NOL10: variants seen among roughly 807,000 people sequenced by gnomAD.
NOL10 encodes the protein H_NH0074G24.1.
NOL10 carries 58 observed loss-of-function variants against 103.5 expected under a neutral mutation model. The ratio of observed to expected loss-of-function variants is 0.56; its 90% CI spans 0.45 to 0.70. The LOEUF is 0.70. NOL10 is among the 30% of genes least tolerant of loss of function. The probability of loss-of-function intolerance (pLI) is 0.00; values close to 1 mark genes in which losing one functional copy is unlikely to be tolerated. For synonymous variants in NOL10, 287 were observed against 282.5 expected (o/e 1.02, Z -0.16); for missense variants, 763 against 807.3 (o/e 0.95, Z 0.67).
chr2:10,626,167 T>A (rs1202855196), intron 13 of NOL10, among the ~76,000 whole-genome samples: 1 of 151,932 alleles, frequency 6.6e-6, no homozygotes, highest in Non-Finnish European at 1.5e-5. Flanking sequence ...GGAGACAGAG[T>A]GAGACCCTGT....
At chr2:10,583,992 C>T (rs140735366) in intron 19 of NOL10, among the ~76,000 whole-genome samples, 21 of 152,274 alleles carry the variant, frequency 1.4e-4, no homozygotes, top group African/African-American at 4.1e-4. Context: ...GCTGTAAGAT[C>T]GTGGCTTTCC....
At chr2:10,648,657 C>T (rs1679250076) in intron 12 of NOL10, among the ~76,000 whole-genome samples, 1 of 152,110 alleles carries the variant, frequency 6.6e-6, no homozygotes, top group Admixed American at 6.6e-5. Flanking sequence ...ACCTCAGCAG[C>T]CTGCACATTA....
At chr2:10,647,452 G>A (rs989902037) in intron 12 of NOL10, among the ~76,000 whole-genome samples, 2 of 152,224 alleles carry the variant, frequency 1.3e-5, no homozygotes, top group Admixed American at 1.3e-4. Flanking sequence ...AACCAAATGT[G>A]TGATCATTTT....
At chr2:10,684,263 T>TG (rs1681992068) in intron 2 of NOL10, among the ~76,000 whole-genome samples, 1 of 125,168 alleles carries the variant, frequency 8.0e-6, no homozygotes, top group South Asian at 2.7e-4. Flanking sequence ...GCAATAAGAG[T>TG]GAAACTCCAT....
At chr2:10,657,999 C>T in intron 10 of NOL10, 108 bp from the exon 11 acceptor site, 1 of 716,264 alleles carries the variant, frequency 1.4e-6, no homozygotes, top group Non-Finnish European at 2.2e-6. Context: ...TTGTTATGAA[C>T]ACAATGAACA....
At chr2:10,574,609 T>C (rs1674357037) in intron 20 of NOL10, among the ~76,000 whole-genome samples, 1 of 142,894 alleles carries the variant, frequency 7.0e-6, no homozygotes, top group Non-Finnish European at 1.5e-5. Flanking sequence ...ATGGTGCCAC[T>C]GCACTCCAGC....
chr2:10,660,355 T>C (rs1680116536), intron 9 of NOL10, among the ~76,000 whole-genome samples: 1 of 152,212 alleles, frequency 6.6e-6, no homozygotes, highest in South Asian at 2.1e-4. Flanking sequence ...TTCACTCCCG[T>C]CGCCCAGGCT....
At chr2:10,606,197 C>A (rs10168852) in intron 14 of NOL10, among the ~76,000 whole-genome samples, 46,090 of 150,574 alleles carry the variant, frequency 0.31, 7,719 homozygotes, top group Non-Finnish European at 0.38. Flanking sequence ...AGTTTACTAC[C>A]ACTGAAACTT....
Position 10,599,085 on chromosome 2 carries a change from G to C in NOL10, c.1422+1768C>G, listed in dbSNP as rs200216504. On this transcript the variant is annotated intron_variant, in intron 17 of 20. Coordinates refer to ENST00000381685, the MANE Select transcript of NOL10 (RefSeq NM_024894.4). ...CCTCAGCAAAGGTCTACAAAGAAAT[G>C]GGGGGAAGGGAAGGGCACTTCTGCA... is the stretch of plus-strand genomic sequence containing the variant. 2.9e-3 allele frequency among the ~76,000 whole-genome samples: 91 copies of C among 31,894 alleles called. No homozygotes were observed. The East Asian group carries it at 0.042, about 15-fold the overall frequency. 20.9% of individuals were successfully genotyped at this position (31,894 alleles called of 152,430 possible).
intron 13 of NOL10, among the ~76,000 whole-genome samples, chr2:10,607,750 T>TTTATTATTA (rs373298093): frequency 0.073 from 10,549 of 144,686 alleles, 997 homozygotes; most frequent in African/African-American, 0.22. Context: ...AAAAACAATA[T>TTTATTATTA]TTATTATTAT....
At chr2:10,612,922 C>T (rs1468646937) in intron 13 of NOL10, among the ~76,000 whole-genome samples, 2 of 150,464 alleles carry the variant, frequency 1.3e-5, no homozygotes, top group African/African-American at 2.4e-5. Flanking sequence ...CCAGCTATTC[C>T]TGAGGCTGAG....
At chr2:10,622,478 G>C (rs901721951) in intron 13 of NOL10, among the ~76,000 whole-genome samples, 7 of 109,174 alleles carry the variant, frequency 6.4e-5, no homozygotes, top group African/African-American at 2.4e-4. Context: ...TTTTTAGTTA[G>C]AGCGTTTTTC....
At chr2:10,676,263 AACAC>A (rs1681299740) in intron 3 of NOL10, among the ~76,000 whole-genome samples, 1 of 152,200 alleles carries the variant, frequency 6.6e-6, no homozygotes, top group African/African-American at 2.4e-5. Context: ...AATCCCTAAA[AACAC>A]ACGATGTTTC....
At chr2:10,659,059 C>T in intron 10 of NOL10, 113 bp downstream of exon 10, 1 of 738,672 alleles carries the variant, frequency 1.4e-6, no homozygotes, top group Non-Finnish European at 2.3e-6. Context: ...ACCCTCTGGT[C>T]TGGCTAAAAT....
At chr2:10,629,174 A>C (rs1297177767) in intron 13 of NOL10, among the ~76,000 whole-genome samples, 1 of 141,162 alleles carries the variant, frequency 7.1e-6, no homozygotes, top group East Asian at 2.2e-4. Context: ...ATTGAAACTG[A>C]TGTAAGCTAA....
intron 19 of NOL10, among the ~76,000 whole-genome samples, chr2:10,585,784 T>C (rs1674995543): frequency 6.6e-6 from 1 of 152,224 alleles, no homozygotes; most frequent in Non-Finnish European, 1.5e-5. Context: ...TAATACCTAA[T>C]ACAATGTAAA....
At chr2:10,593,142 T>C (rs1360437478) in intron 17 of NOL10, among the ~76,000 whole-genome samples, 2 of 150,828 alleles carry the variant, frequency 1.3e-5, no homozygotes, top group Non-Finnish European at 3.0e-5. Flanking sequence ...TTTTTTTTTT[T>C]CTTTTTTTTC....
At chr2:10,574,896 A>T (rs1222458045) in intron 20 of NOL10, among the ~76,000 whole-genome samples, 1 of 152,210 alleles carries the variant, frequency 6.6e-6, no homozygotes, top group Non-Finnish European at 1.5e-5. Context: ...AGGAGCTTCA[A>T]GAGGAGCTTG....
Position 10,659,258 on chromosome 2 carries a change from G to T in NOL10, c.678-8C>A. 6.9e-7 allele frequency: 1 copy of T among 1,450,066 alleles called. No individual in the cohort carries two copies. The highest frequency in any genetic ancestry group is 9.3e-7 in the Non-Finnish European group (1 of 1,076,824). 89.8% of individuals were successfully genotyped at this position (1,450,066 alleles called of 1,614,324 possible). ...GTTGGTAAACTGTTTATCCTGAAAAGCAAAATATTCATGCTTCATGAATAT... is the reference window on the plus strand; with the variant it reads ...GTTGGTAAACTGTTTATCCTGAAAATCAAAATATTCATGCTTCATGAATAT... On this transcript the variant is annotated splice_region_variant and splice_polypyrimidine_tract_variant and intron_variant, in intron 9 of 20. Transcript: ENST00000381685.
Sources: allele counts gnomAD v4.1 joint callset (sites outside exome capture counted in the v4.1 genomes callset), GRCh38; gene constraint gnomAD v4.1.1; transcripts MANE v1.5; gene names NCBI Gene and HGNC (gene_info 2026-07-23, HGNC 2026-07-21).